Variants in IFNA7 observed in about 807,000 individuals in gnomAD.
The protein encoded by IFNA7 is interferon alpha 7, also known as interferon alpha-7.
For missense variants in IFNA7, 278 were observed against 216.3 expected, an observed-to-expected ratio of 1.29 and a Z score of -1.79; for synonymous variants, 119 against 81.1, an observed-to-expected ratio of 1.47 and a Z score of -2.51.
In IFNA7 at chr9:21,202,021, G is replaced by C. The variant is rs763005616; in HGVS notation, c.145C>G (p.Pro49Ala). ...ILLAQMGRISPFSCLKDRHEF... is the reference protein window; with the variant it reads ...ILLAQMGRISAFSCLKDRHEF... Reference sequence around the variant, plus strand: ...TGTCTGTCCTTCAAGCAGGAGAAAGGAGAGATTCTTCCCATTTGTGCCAGG... The same window carrying C: ...TGTCTGTCCTTCAAGCAGGAGAAAGCAGAGATTCTTCCCATTTGTGCCAGG... Residue 49 changes from proline (P) to alanine (A), a missense_variant, in exon 1 of 1, where the codon CCT becomes GCT. Physicochemically the swap from Pro to Ala is conservative, Grantham distance 27. Coordinates refer to ENST00000239347, the MANE Select transcript of IFNA7 (RefSeq NM_021057.2). 5.0e-6 allele frequency: 8 copies of C among 1,613,462 alleles called. No individual in the cohort carries two copies. The highest frequency in any genetic ancestry group is 6.8e-6 in the Non-Finnish European group (8 of 1,179,952).
At position 21,201,778 on chromosome 9, in the gene IFNA7, C is replaced by G. The variant is rs1818160291; in HGVS notation, c.388G>C (p.Glu130Gln). 4 of 1,613,630 alleles carry G rather than the reference C, an allele frequency of 2.5e-6. No homozygotes were observed. Among genetic ancestry groups the G allele is most frequent in the Non-Finnish European group, 3.4e-6 (4 of 1,179,968 alleles). Residue 130 changes from glutamate (E) to glutamine (Q), a missense_variant, in exon 1 of 1, where the codon GAA (glutamate) becomes CAA (glutamine). Transcript: ENST00000239347. ...EACVIQEVGV[E>Q]ETPLMNEDFI... ...TCCTCATTCATCAGGGGAGTCTCTT[C>G]CACCCCAACCTCCTGTATCACACAT...
In IFNA7 at chr9:21,202,111, T is replaced by G; in HGVS notation, c.55A>C (p.Ile19Leu). Residue 19 changes from isoleucine to leucine, a missense_variant, in exon 1 of 1, where the codon ATC becomes CTC. Transcript: ENST00000239347. ...MVVLVLSYKS[I>L]CSLGCDLPQT... ...GGCAGATCACAGCCCAGAGAGCAGA[T>G]GGATTTGTAGCTGAGTACCAGCACG... is the stretch of plus-strand genomic sequence containing the variant. 6.2e-7 allele frequency: 1 copy of G among 1,613,414 alleles called. No homozygotes were observed. The highest frequency in any genetic ancestry group is 8.5e-7 in the Non-Finnish European group (1 of 1,179,866).
At position 21,202,195 on chromosome 9, in the gene IFNA7, T is replaced by C. The variant is rs767215224; in HGVS notation, c.-30A>G. 3.8e-6 allele frequency: 6 copies of C among 1,561,494 alleles called. No homozygotes were observed. In the African/African-American group the frequency reaches 5.5e-5, roughly 14 times the overall value. On this transcript the variant is annotated 5_prime_UTR_variant, in exon 1 of 1. Transcript: ENST00000239347. ...ATTTTGCAAATATCACTAGGCTACC[T>C]GAGGTGGGTAACTTGAACCGTGGCC...
chr9:21,201,741 G>A lies in IFNA7; in HGVS notation c.425C>T (p.Ala142Val), dbSNP rs747969281. 4.6e-5 allele frequency: 75 copies of A among 1,613,714 alleles called. No individual in the cohort carries two copies. The highest frequency in any genetic ancestry group is 1.6e-4 in the Middle Eastern group (1 of 6,062). Residue 142 changes from alanine (A) to valine (V), a missense_variant, in exon 1 of 1, where the codon GCT becomes GTT. Physicochemically the swap from Ala to Val is moderately conservative, Grantham distance 64 (BLOSUM62 0). Coordinates refer to ENST00000239347, the MANE Select transcript of IFNA7 (RefSeq NM_021057.2). ...GATTCTTTGGAAGTATTTCCTCACA[G>A]CCAGGATGAAGTCCTCATTCATCAG... ...TPLMNEDFILAVRKYFQRITL... is the reference protein window; with the variant it reads ...TPLMNEDFILVVRKYFQRITL...
At position 21,201,704 on chromosome 9, in the gene IFNA7, T is replaced by C. The variant is rs76644201; in HGVS notation, c.462A>G (p.Leu154=). 0.012 allele frequency: 19,518 copies of C among 1,613,730 alleles called. 932 individuals are homozygous for C. The East Asian group carries it at 0.13, about 11-fold the overall frequency. Reference sequence around the variant, plus strand: ...CACAAGGGCTGTATTTCTTCTCCATTAGATAAAGAGTGATTCTTTGGAAGT... The same window carrying C: ...CACAAGGGCTGTATTTCTTCTCCATCAGATAAAGAGTGATTCTTTGGAAGT... ...RKYFQRITLY[L]MEKKYSPCAW... Residue 154 remains leucine (L), a synonymous_variant, in exon 1 of 1, where the codon CTA becomes CTG. Transcript: ENST00000239347.
At position 21,201,704 on chromosome 9, in the gene IFNA7, T is replaced by G. The variant is rs76644201; in HGVS notation, c.462A>C (p.Leu154=). 12 of 1,613,748 alleles carry G rather than the reference T, an allele frequency of 7.4e-6. No homozygotes were observed. Among genetic ancestry groups the G allele is most frequent in the Non-Finnish European group, 9.3e-6 (11 of 1,179,982 alleles). Residue 154 remains leucine (L), a synonymous_variant, in exon 1 of 1, where the codon CTA becomes CTC. Coordinates refer to ENST00000239347, the MANE Select transcript of IFNA7 (RefSeq NM_021057.2). ...CACAAGGGCTGTATTTCTTCTCCAT[T>G]AGATAAAGAGTGATTCTTTGGAAGT... ...RKYFQRITLY[L]MEKKYSPCAW... is the part of the protein sequence containing the mutation.
Position 21,201,747 on chromosome 9 carries a change from A to T in IFNA7, c.419T>A (p.Ile140Asn). The change falls in exon 1 of 1, where the codon ATC (isoleucine) becomes AAC (asparagine). Residue 140 changes from isoleucine (I) to asparagine (N), a missense_variant. Transcript: ENST00000239347. ...EETPLMNEDF[I>N]LAVRKYFQRI... Reference sequence around the variant, plus strand: ...TTGGAAGTATTTCCTCACAGCCAGGATGAAGTCCTCATTCATCAGGGGAGT... The same window carrying T: ...TTGGAAGTATTTCCTCACAGCCAGGTTGAAGTCCTCATTCATCAGGGGAGT... 1.2e-6 allele frequency: 2 copies of T among 1,613,778 alleles called. No individual in the cohort carries two copies. The highest frequency in any genetic ancestry group is 1.7e-6 in the Non-Finnish European group (2 of 1,179,988).
rs374884951 is a variant in IFNA7, at chr9:21,202,019, A to T, written c.147T>A (p.Pro49=). Residue 49 remains proline, a synonymous_variant, in exon 1 of 1, where the codon CCT becomes CCA. Transcript: ENST00000239347. ...CATGTCTGTCCTTCAAGCAGGAGAA[A>T]GGAGAGATTCTTCCCATTTGTGCCA... is the stretch of plus-strand genomic sequence containing the variant. ...ILLAQMGRIS[P]FSCLKDRHEF... is the part of the protein sequence containing the mutation. The T allele has an allele frequency of 4.3e-6, 7 of 1,613,356 alleles. No individual in the cohort carries two copies. The East Asian group carries it at 8.9e-5, about 21-fold the overall frequency.
Position 21,202,078 on chromosome 9 carries a change from G to A in IFNA7, c.88C>T (p.His30Tyr), listed in dbSNP as rs766166522. ...AAGGCCCTCCTATTACGCAGGCTGT[G>A]GGTCTGAGGCAGATCACAGCCCAGA... is the stretch of plus-strand genomic sequence containing the variant. Reference protein sequence around the residue: ...CSLGCDLPQTHSLRNRRALIL... With the variant: ...CSLGCDLPQTYSLRNRRALIL... Residue 30 changes from histidine (H) to tyrosine (Y), a missense_variant, in exon 1 of 1, where the codon CAC (histidine) becomes TAC (tyrosine). Coordinates refer to ENST00000239347, the MANE Select transcript of IFNA7 (RefSeq NM_021057.2). 6.2e-7 allele frequency: 1 copy of A among 1,613,600 alleles called. No individual in the cohort carries two copies. Among genetic ancestry groups the A allele is most frequent in the Non-Finnish European group, 8.5e-7 (1 of 1,179,960 alleles).
the IFNA7 span, chr9:21,201,862 G>A: frequency 6.8e-6 from 11 of 1,613,284 alleles, no homozygotes; most frequent in Non-Finnish European, 3.4e-6. Context: ...AGGAGGCTCT[G>A]TTCCCAAGCA....
rs1818167332 is a variant in IFNA7 at position 21,202,064 on chromosome 9, A to T, written c.102T>A (p.Asn34Lys). The T allele has an allele frequency of 1.2e-6, 2 of 1,613,540 alleles. No homozygotes were observed. Among genetic ancestry groups the T allele is most frequent in the Middle Eastern group, 1.7e-4 (1 of 6,060 alleles). Residue 34 changes from asparagine to lysine, a missense_variant, in exon 1 of 1, where the codon AAT (asparagine) becomes AAA (lysine). Coordinates refer to ENST00000239347, the MANE Select transcript of IFNA7 (RefSeq NM_021057.2). ...CDLPQTHSLR[N>K]RRALILLAQM... ...GTGCCAGGAGTATCAAGGCCCTCCTATTACGCAGGCTGTGGGTCTGAGGCA... is the reference window on the plus strand; with the variant it reads ...GTGCCAGGAGTATCAAGGCCCTCCTTTTACGCAGGCTGTGGGTCTGAGGCA...
Sources: gnomAD v4.1 joint callset for allele counts on GRCh38, gnomAD v4.1.1 for gene constraint, MANE v1.5 for transcripts, NCBI Gene and HGNC (gene_info 2026-07-23, HGNC 2026-07-21) for gene names.